Variants in RAB3D observed in about 807,000 individuals in gnomAD.
RAB3D encodes RAB3D, member RAS oncogene family.
RAB3D carries 17 observed loss-of-function variants against 19.3 expected under a neutral mutation model. The observed-to-expected ratio is 0.88, with a 90% CI of 0.60 to 1.32. The LOEUF is 1.32. Among genes scored for constraint, RAB3D ranks in the 40% most tolerant of loss-of-function variants. RAB3D has a pLI of 0.00. For synonymous variants in RAB3D, 103 were observed against 119.9 expected (o/e 0.86, Z 0.92); for missense variants, 223 against 299.1 (o/e 0.75, Z 1.88).
intron 1 of RAB3D, 73 bp from the exon 2 acceptor site, chr19:11,337,533 A>C (rs1180836334): frequency 1.4e-6 from 1 of 703,792 alleles, no homozygotes; most frequent in Non-Finnish European, 2.5e-6. Flanking sequence ...CAGCTCGGTC[A>C]CTCGGAGACC....
intron 4 of RAB3D, among the ~76,000 whole-genome samples, chr19:11,334,539 A>G (rs918930329): frequency 1.3e-5 from 2 of 152,056 alleles, no homozygotes; most frequent in African/African-American, 2.4e-5. Context: ...CTGCAATCCT[A>G]GCACTTTGGG....
Position 11,325,539 on chromosome 19 carries a change from C to T in RAB3D, c.519G>A (p.Lys173=). The T allele has an allele frequency of 1.9e-6, 3 of 1,613,700 alleles. No homozygotes were observed. The highest frequency in any genetic ancestry group is 2.5e-6 in the Non-Finnish European group (3 of 1,180,018). The change falls in exon 5 of 5, where the codon AAG becomes AAA. Residue 173 remains lysine (K), a synonymous_variant. Coordinates refer to ENST00000222120, the MANE Select transcript of RAB3D (RefSeq NM_004283.4). ...CATCCACCAGGCGCTCGAAGACCTG[C>T]TTCACATTGATGTTCTCCTTGGCAC... ...EASAKENINV[K]QVFERLVDVI...
rs1285414109 is a variant in RAB3D, at chr19:11,324,853, G to C, written c.*545C>G. ...GTAGAGGGTCTGCAGGGGTCAAAGG[G>C]ATCACCATCCCACCTTGGAATCCAG... is the stretch of plus-strand genomic sequence containing the variant. On this transcript the variant is annotated 3_prime_UTR_variant, in exon 5 of 5. Coordinates refer to ENST00000222120, the MANE Select transcript of RAB3D (RefSeq NM_004283.4). 1 of 152,544 alleles carries C rather than the reference G, an allele frequency of 6.6e-6. No homozygotes were observed. Among genetic ancestry groups the C allele is most frequent in the East Asian group, 1.9e-4 (1 of 5,178 alleles). The allele number at this position is 152,544 out of a possible 1,614,324, so 9.4% of individuals were successfully genotyped here.
chr19:11,324,477 A>G lies in RAB3D; in HGVS notation c.*921T>C, dbSNP rs1221678863. On this transcript the variant is annotated 3_prime_UTR_variant, in exon 5 of 5. Transcript: ENST00000222120. The stretch of plus-strand genomic sequence containing the variant: ...TAGCAGGATGCATGATTGGGCAAGA[A>G]CTTGCTTAAAACACAACCAGCTAAA... The G allele has an allele frequency of 6.7e-6, 1 of 148,178 alleles. No homozygotes were observed. 9.2% of individuals were successfully genotyped at this position (148,178 alleles called of 1,614,324 possible). A position where few individuals can be genotyped will look rare whatever the true frequency, so the allele number is the denominator to read the frequency against.
chr19:11,337,429 C>T lies in RAB3D; in HGVS notation c.-30G>A, dbSNP rs1257436800. 38 of 1,592,526 alleles carry T rather than the reference C, an allele frequency of 2.4e-5. No individual in the cohort carries two copies. The highest frequency in any genetic ancestry group is 3.3e-5 in the Non-Finnish European group (38 of 1,160,658). On this transcript the variant is annotated 5_prime_UTR_variant, in exon 2 of 5. Transcript: ENST00000222120. ...GCACAAGCCTCCTGGGACAGGGAGACCTGAAATCCTCAGGGAGAGGAGACG... is the reference window on the plus strand; with the variant it reads ...GCACAAGCCTCCTGGGACAGGGAGATCTGAAATCCTCAGGGAGAGGAGACG...
Position 11,324,182 on chromosome 19 carries a change from C to G in RAB3D, c.*1216G>C, listed in dbSNP as rs918532322. The G allele has an allele frequency of 2.0e-5, 3 of 152,130 alleles. No individual in the cohort carries two copies. Among genetic ancestry groups the G allele is most frequent in the African/African-American group, 7.3e-5 (3 of 41,294 alleles). The allele number at this position is 152,130 out of a possible 1,614,324, so 9.4% of individuals were successfully genotyped here. On this transcript the variant is annotated 3_prime_UTR_variant, in exon 5 of 5. Coordinates refer to ENST00000222120, the MANE Select transcript of RAB3D (RefSeq NM_004283.4). ...CCCCAGCATCCCTTAGAAGTGACCC[C>G]TAGTTTGAGGCTGTGGTGAGCTATG...
intron 4 of RAB3D, among the ~76,000 whole-genome samples, chr19:11,334,050 T>C (rs1156885894): frequency 2.0e-5 from 3 of 152,198 alleles, no homozygotes; most frequent in Non-Finnish European, 4.4e-5. Context: ...GCATTGTCTG[T>C]GGCTGCTGTC....
chr19:11,337,525 G>T, intron 1 of RAB3D, 65 bp from the exon 2 acceptor site: 1 of 757,590 alleles, frequency 1.3e-6, no homozygotes, highest in Non-Finnish European at 2.2e-6. Flanking sequence ...TCAAATCTCA[G>T]CTCGGTCACT....
intron 2 of RAB3D, among the ~76,000 whole-genome samples, 164 bp from the exon 3 acceptor site, chr19:11,335,947 A>G (rs995739979): frequency 5.3e-5 from 8 of 152,180 alleles, no homozygotes; most frequent in Admixed American, 4.6e-4. Context: ...TCCTGCCCTC[A>G]CAACCCCAGT....
chr19:11,336,600 C>T (rs759435336), intron 2 of RAB3D, among the ~76,000 whole-genome samples: 50 of 151,944 alleles, frequency 3.3e-4, no homozygotes, highest in Non-Finnish European at 5.6e-4. Flanking sequence ...TAAGCCACCA[C>T]GCTAGTGTCA....
chr19:11,334,647 A>G (rs945217453), intron 4 of RAB3D, among the ~76,000 whole-genome samples: 2 of 152,136 alleles, frequency 1.3e-5, no homozygotes, highest in African/African-American at 2.4e-5. Flanking sequence ...AAAAAAGGCC[A>G]GGCATGGTGC....
At chr19:11,337,105 A>G (rs1966902423) in intron 2 of RAB3D, 67 bp downstream of exon 2, 2 of 1,375,434 alleles carry the variant, frequency 1.5e-6, no homozygotes, top group Non-Finnish European at 2.0e-6. Flanking sequence ...AAAAAAAAAA[A>G]AGAACCCTCC....
rs1212310074 is a variant in RAB3D at position 11,325,510 on chromosome 19, A to G, written c.548T>C (p.Ile183Thr). The G allele has an allele frequency of 2.5e-6, 4 of 1,613,760 alleles. No individual in the cohort carries two copies. In the African/African-American group the frequency reaches 4.0e-5, roughly 16 times the overall value. The change falls in exon 5 of 5, where the codon ATC (isoleucine) becomes ACC (threonine). Residue 183 changes from isoleucine to threonine, a missense_variant. Coordinates refer to ENST00000222120, the MANE Select transcript of RAB3D (RefSeq NM_004283.4). ...CAGGGACTCGTTCATCTTCTCGCAG[A>G]TGACATCCACCAGGCGCTCGAAGAC... ...KQVFERLVDV[I>T]CEKMNESLEP...
intron 4 of RAB3D, among the ~76,000 whole-genome samples, chr19:11,327,733 C>T (rs2080820680): frequency 2.0e-5 from 3 of 152,070 alleles, no homozygotes; most frequent in Non-Finnish European, 2.9e-5. Context: ...TGGTGGTATG[C>T]GCCTGTAATC....
At chr19:11,326,523 CACAGGTGGCT>C (rs2080814058) in intron 4 of RAB3D, among the ~76,000 whole-genome samples, 1 of 152,198 alleles carries the variant, frequency 6.6e-6, no homozygotes, top group Admixed American at 6.5e-5. Flanking sequence ...TGGCAGTGCC[CACAGGTGGCT>C]ATAGCTCAGC....
At chr19:11,338,622 G>T (rs575645670) in intron 1 of RAB3D, among the ~76,000 whole-genome samples, 1 of 152,040 alleles carries the variant, frequency 6.6e-6, no homozygotes, top group Non-Finnish European at 1.5e-5. Context: ...TGTCAAAGGG[G>T]CCAGGCCTGT....
rs994405091 is a variant in RAB3D at position 11,323,716 on chromosome 19, C to G, written c.*1682G>C. ...CAGGCTTTCCCCCTCACACATACCC[C>G]AGGGAAGAGGCTGAGCTCATGAAAG... On this transcript the variant is annotated 3_prime_UTR_variant, in exon 5 of 5. Coordinates refer to ENST00000222120, the MANE Select transcript of RAB3D (RefSeq NM_004283.4). 2 of 152,276 alleles carry G rather than the reference C, an allele frequency of 1.3e-5. No homozygotes were observed. Among genetic ancestry groups the G allele is most frequent in the Non-Finnish European group, 2.9e-5 (2 of 68,116 alleles). 9.4% of individuals were successfully genotyped at this position (152,276 alleles called of 1,614,324 possible).
At chr19:11,337,610 T>C (rs1966908762) in intron 1 of RAB3D, 150 bp from the exon 2 acceptor site, 2 of 560,156 alleles carry the variant, frequency 3.6e-6, no homozygotes, top group Non-Finnish European at 6.4e-6. Flanking sequence ...AATGGGATGT[T>C]TGTCACAGTC....
intron 4 of RAB3D, among the ~76,000 whole-genome samples, chr19:11,329,605 C>T (rs1360659136): frequency 1.4e-5 from 2 of 145,126 alleles, no homozygotes; most frequent in Admixed American, 6.7e-5. Context: ...GAAACTCCAT[C>T]TCAAAAAAAA....
Sources: gnomAD v4.1 joint callset for allele counts (sites outside exome capture counted in the v4.1 genomes callset) on GRCh38, gnomAD v4.1.1 for gene constraint, MANE v1.5 for transcripts, NCBI Gene and HGNC (gene_info 2026-07-23, HGNC 2026-07-21) for gene names.